Variants in IL2RA observed in about 807,000 individuals in gnomAD.
IL2RA encodes the protein interleukin 2 receptor subunit alpha.
In IL2RA, 24 loss-of-function variants were observed where a neutral mutation model predicts 37.8. The observed-to-expected ratio is 0.63, with a 90% CI of 0.46 to 0.89. The LOEUF is 0.89. IL2RA is among the 40% of genes least tolerant of loss of function. The pLI is 0.00. For synonymous variants in IL2RA, 125 were observed against 114.6 expected (o/e 1.09, Z -0.58); for missense variants, 319 against 348.6 (o/e 0.92, Z 0.68).
Position 6,025,724 on chromosome 10 carries a change from G to A in IL2RA, c.256+110C>T. 1.7e-5 allele frequency: 17 copies of A among 1,008,812 alleles called. No individual in the cohort carries two copies. In the Middle Eastern group the frequency reaches 1.4e-3, roughly 82 times the overall value. The allele number at this position is 1,008,812 out of a possible 1,614,324, so 62.5% of individuals were successfully genotyped here. On this transcript the variant is annotated intron_variant, in intron 2 of 7. Coordinates refer to ENST00000379959, the MANE Select transcript of IL2RA (RefSeq NM_000417.3). The surrounding 1 kb of genome is among the most constrained non-coding windows in gnomAD (Gnocchi z 4.4). ...AACCACTAAAATTAGTTATCCTGTA[G>A]ACTGGACTGGCCCATTTGTGTCTAT...
chr10:6,021,862 T>TAGGCCCTGTAGGAAGGCACGA lies in IL2RA; in HGVS notation c.368-190_368-170dup, dbSNP rs1263486889. ...AACGTCTGAGCGTGGGGAAGTTTGC[T>TAGGCCCTGTAGGAAGGCACGA]AGGCCCTGTAGGAAGGCACGAAGAC... On this transcript the variant is annotated intron_variant, in intron 3 of 7. Transcript: ENST00000379959. The surrounding 1 kb of genome is among the most constrained non-coding windows in gnomAD (Gnocchi z 4.9). Among the ~76,000 whole-genome samples the TAGGCCCTGTAGGAAGGCACGA allele has an allele frequency of 6.6e-6, 1 of 152,104 alleles. No homozygotes were observed. Among genetic ancestry groups the TAGGCCCTGTAGGAAGGCACGA allele is most frequent in the Non-Finnish European group, 1.5e-5 (1 of 68,016 alleles).
rs1183498150 is a variant in IL2RA at position 6,035,703 on chromosome 10, T to C, written c.65-9678A>G. 6.6e-6 allele frequency among the ~76,000 whole-genome samples: 1 copy of C among 152,218 alleles called. No homozygotes were observed. ...AAAAAGAGACAGCCAGCAGTGATCA[T>C]TAATCCTGAAAATGCCGAGGGCTTT... On this transcript the variant is annotated intron_variant, in intron 1 of 7. Transcript: ENST00000379959. This position sits in a 1 kb window ranked among gnomAD's most constrained non-coding sequence, Gnocchi z 5.4.
rs1839247685 is a variant in IL2RA at position 6,014,655 on chromosome 10, C to T, written c.795-1759G>A. ...GGAGAGGATGCAAGTACTGAGTACA[C>T]GTACAACATGTCAGCCACGTCACAT... is the stretch of plus-strand genomic sequence containing the variant. On this transcript the variant is annotated intron_variant, in intron 7 of 7. Coordinates refer to ENST00000379959, the MANE Select transcript of IL2RA (RefSeq NM_000417.3). The surrounding 1 kb of genome is among the most constrained non-coding windows in gnomAD (Gnocchi z 4.4). Among the ~76,000 whole-genome samples the T allele has an allele frequency of 6.6e-6, 1 of 152,170 alleles. No individual in the cohort carries two copies. The highest frequency in any genetic ancestry group is 6.5e-5 in the Admixed American group (1 of 15,274).
At position 6,055,956 on chromosome 10, in the gene IL2RA, C is replaced by T. The variant is rs1054775219; in HGVS notation, c.64+6132G>A. ...TGGATATACACTAATGTACAGCTGGCGTTTTGAACCATTACTCTCCACACA... is the reference window on the plus strand; with the variant it reads ...TGGATATACACTAATGTACAGCTGGTGTTTTGAACCATTACTCTCCACACA... On this transcript the variant is annotated intron_variant, in intron 1 of 7. Coordinates refer to ENST00000379959, the MANE Select transcript of IL2RA (RefSeq NM_000417.3). Among the ~76,000 whole-genome samples, 10 of 152,312 alleles carry T rather than the reference C, an allele frequency of 6.6e-5. No homozygotes were observed. In the East Asian group the frequency reaches 1.5e-3, roughly 23 times the overall value.
intron 1 of IL2RA, among the ~76,000 whole-genome samples, chr10:6,042,236 TTAAA>T (rs758125963): frequency 6.9e-6 from 1 of 145,946 alleles, no homozygotes; most frequent in Non-Finnish European, 1.5e-5. Context: ...CTCAATGTAC[TTAAA>T]TACTTTTATG....
At chr10:6,017,539 G>T (rs1271756833) in intron 7 of IL2RA, among the ~76,000 whole-genome samples, 1 of 151,010 alleles carries the variant, frequency 6.6e-6, no homozygotes, top group Non-Finnish European at 1.5e-5. Context: ...TGAATGTGAG[G>T]CTCCTTTGCC....
rs1030933590 is a variant in IL2RA at position 6,018,606 on chromosome 10, C to T, written c.728-487G>A. 2.6e-5 allele frequency among the ~76,000 whole-genome samples: 4 copies of T among 152,134 alleles called. No homozygotes were observed. Among genetic ancestry groups the T allele is most frequent in the Non-Finnish European group, 5.9e-5 (4 of 68,018 alleles). ...GAAACAATGGCAGTGTTTCTGGAAG[C>T]CTGTCCTCTCTGACTGGCTACGTGG... On this transcript the variant is annotated intron_variant, in intron 6 of 7. Transcript: ENST00000379959. This position sits in a 1 kb window ranked among gnomAD's most constrained non-coding sequence, Gnocchi z 5.1.
At chr10:6,050,247 C>T (rs2246031) in intron 1 of IL2RA, among the ~76,000 whole-genome samples, 19,213 of 152,184 alleles carry the variant, frequency 0.13, 1,341 homozygotes, top group Non-Finnish European at 0.16. Flanking sequence ...CTTCCTGTGT[C>T]GGCCTGAATG....
At chr10:6,042,111 T>C (rs1291979563) in intron 1 of IL2RA, among the ~76,000 whole-genome samples, 5 of 119,446 alleles carry the variant, frequency 4.2e-5, no homozygotes, top group Non-Finnish European at 8.1e-5. Context: ...CTGGAGAATG[T>C]TAACACATTT....
rs28538974 is a variant in IL2RA at position 6,054,201 on chromosome 10, C to G, written c.64+7887G>C. Among the ~76,000 whole-genome samples the G allele has an allele frequency of 7.2e-5, 11 of 152,200 alleles. No homozygotes were observed. Among genetic ancestry groups the G allele is most frequent in the Admixed American group, 2.6e-4 (4 of 15,276 alleles). ...GCGGAGCTGCTGGTCAAAAACCCCCCGGGGAACTGGTTGGGTGTGGGAGTG... is the reference window on the plus strand; with the variant it reads ...GCGGAGCTGCTGGTCAAAAACCCCCGGGGGAACTGGTTGGGTGTGGGAGTG... On this transcript the variant is annotated intron_variant, in intron 1 of 7. Coordinates refer to ENST00000379959, the MANE Select transcript of IL2RA (RefSeq NM_000417.3). The surrounding 1 kb of genome is among the most constrained non-coding windows in gnomAD (Gnocchi z 4.5).
chr10:6,017,505 G>A (rs1839299164), intron 7 of IL2RA, among the ~76,000 whole-genome samples: 1 of 151,914 alleles, frequency 6.6e-6, no homozygotes, highest in African/African-American at 2.4e-5. Flanking sequence ...CAAGCATCAA[G>A]CCTGGTGTAT....
At position 6,018,762 on chromosome 10, in the gene IL2RA, G is replaced by T. The variant is rs1326475592; in HGVS notation, c.728-643C>A. 6.6e-6 allele frequency among the ~76,000 whole-genome samples: 1 copy of T among 152,132 alleles called. No homozygotes were observed. Among genetic ancestry groups the T allele is most frequent in the Non-Finnish European group, 1.5e-5 (1 of 68,008 alleles). On this transcript the variant is annotated intron_variant, in intron 6 of 7. Coordinates refer to ENST00000379959, the MANE Select transcript of IL2RA (RefSeq NM_000417.3). This position sits in a 1 kb window ranked among gnomAD's most constrained non-coding sequence, Gnocchi z 5.1. ...CCTGTAACTGGTTCATGCGAATTCT[G>T]AGTTACGTCAGTATCTGGATTAGTC... is the stretch of plus-strand genomic sequence containing the variant.
At position 6,062,199 on chromosome 10, in the gene IL2RA, T is replaced by C. The variant is rs1480675912; in HGVS notation, c.-48A>G. 1.3e-6 allele frequency: 2 copies of C among 1,516,494 alleles called. No individual in the cohort carries two copies. The highest frequency in any genetic ancestry group is 1.8e-6 in the Non-Finnish European group (2 of 1,091,172). The allele number at this position is 1,516,494 out of a possible 1,614,324, so 93.9% of individuals were successfully genotyped here. A position where few individuals can be genotyped will look rare whatever the true frequency, so the allele number is the denominator to read the frequency against. The stretch of plus-strand genomic sequence containing the variant: ...CGGGGCAGTGAAGCGGAGGTCTTTC[T>C]CTGCAGAAGGCCCAGTTGCCGTCAG... On this transcript the variant is annotated 5_prime_UTR_variant, in exon 1 of 8. Coordinates refer to ENST00000379959, the MANE Select transcript of IL2RA (RefSeq NM_000417.3).
At chr10:6,027,093 G>A (rs12570168) in intron 1 of IL2RA, among the ~76,000 whole-genome samples, 3,412 of 152,228 alleles carry the variant, frequency 0.022, 191 homozygotes, top group East Asian at 0.19. Flanking sequence ...AGGCCAAGGC[G>A]GGTAGATCAC....
At position 6,024,312 on chromosome 10, in the gene IL2RA, T is replaced by C. The variant is rs1839442132; in HGVS notation, c.299A>G (p.Glu100Gly). The C allele has an allele frequency of 4.3e-6, 7 of 1,614,140 alleles. No homozygotes were observed. The highest frequency in any genetic ancestry group is 1.6e-4 in the Middle Eastern group (1 of 6,062). ...TTKQVTPQPE[E>G]QKERKTTEMQ... ...TTCTGTGGTTTTCCTTTCTTTCTGTTCTTCAGGTTGAGGTGTCACTTGTTT... is the reference window on the plus strand; with the variant it reads ...TTCTGTGGTTTTCCTTTCTTTCTGTCCTTCAGGTTGAGGTGTCACTTGTTT... The change falls in exon 3 of 8, where the codon GAA becomes GGA. Residue 100 changes from glutamate (E) to glycine (G), a missense_variant. Coordinates refer to ENST00000379959, the MANE Select transcript of IL2RA (RefSeq NM_000417.3).
At chr10:6,039,420 T>G (rs546313443) in intron 1 of IL2RA, 1 of 152,314 alleles carries the variant, frequency 6.6e-6, no homozygotes, top group South Asian at 2.1e-4. Flanking sequence ...ATGAGAAATT[T>G]TAACAGTGTC....
At position 6,028,482 on chromosome 10, in the gene IL2RA, C is replaced by G. The variant is rs12722680; in HGVS notation, c.65-2457G>C. Among the ~76,000 whole-genome samples, 470 of 152,274 alleles carry G rather than the reference C, an allele frequency of 3.1e-3. 3 individuals are homozygous for G. Among genetic ancestry groups the G allele is most frequent in the African/African-American group, 0.011 (453 of 41,540 alleles). ...GAATTTCAAAACCAAAATAGACCTGCCCTTACAAAGATTAAAACCAAGCCT... is the reference window on the plus strand; with the variant it reads ...GAATTTCAAAACCAAAATAGACCTGGCCTTACAAAGATTAAAACCAAGCCT... On this transcript the variant is annotated intron_variant, in intron 1 of 7. Coordinates refer to ENST00000379959, the MANE Select transcript of IL2RA (RefSeq NM_000417.3). This position sits in a 1 kb window ranked among gnomAD's most constrained non-coding sequence, Gnocchi z 4.1.
rs1266917382 is a variant in IL2RA, at chr10:6,048,760, T to C, written c.64+13328A>G. Among the ~76,000 whole-genome samples the C allele has an allele frequency of 6.6e-6, 1 of 152,206 alleles. No individual in the cohort carries two copies. Among genetic ancestry groups the C allele is most frequent in the Non-Finnish European group, 1.5e-5 (1 of 68,038 alleles). On this transcript the variant is annotated intron_variant, in intron 1 of 7. Transcript: ENST00000379959. This position sits in a 1 kb window ranked among gnomAD's most constrained non-coding sequence, Gnocchi z 5.3. ...CATTCTTCACATAAACCCAATGCTG[T>C]CTCTCCAAAGTACAAGCCATGCCCT...
Position 6,048,047 on chromosome 10 carries a change from C to T in IL2RA, c.64+14041G>A, listed in dbSNP as rs12722638. Among the ~76,000 whole-genome samples the T allele has an allele frequency of 2.5e-4, 38 of 152,330 alleles. No individual in the cohort carries two copies. The highest frequency in any genetic ancestry group is 8.4e-4 in the African/African-American group (35 of 41,578). On this transcript the variant is annotated intron_variant, in intron 1 of 7. Coordinates refer to ENST00000379959, the MANE Select transcript of IL2RA (RefSeq NM_000417.3). This position sits in a 1 kb window ranked among gnomAD's most constrained non-coding sequence, Gnocchi z 5.3. ...GCAGCCTGACAAGTGCGTGCTCTTA[C>T]GCACAAGTGTCTGCCTGTCCTCCCG...
Sources: allele counts gnomAD v4.1 joint callset (sites outside exome capture counted in the v4.1 genomes callset), GRCh38; gene constraint gnomAD v4.1.1; non-coding constraint Gnocchi (gnomAD v3.1); transcripts MANE v1.5; gene names NCBI Gene and HGNC (gene_info 2026-07-23, HGNC 2026-07-21).